Variants in TBC1D12 observed in about 807,000 individuals in gnomAD.
TBC1D12 encodes the protein TBC1 domain family, member 12.
TBC1D12 carries 56 observed loss-of-function variants against 86.7 expected under a neutral mutation model. The ratio of observed to expected loss-of-function variants is 0.65; its 90% CI spans 0.52 to 0.81. The LOEUF is 0.81. TBC1D12 is among the 30% of genes least tolerant of loss of function. The probability of loss-of-function intolerance (pLI) is 0.00; values close to 1 mark genes in which losing one functional copy is unlikely to be tolerated. For missense variants in TBC1D12, 1,023 were observed against 1,038.8 expected (o/e 0.98, Z 0.21); for synonymous variants, 421 against 411.7 (o/e 1.02, Z -0.27).
At chr10:94,444,924 G>T (rs1245215342) in intron 2 of TBC1D12, among the ~76,000 whole-genome samples, 1 of 150,140 alleles carries the variant, frequency 6.7e-6, no homozygotes, top group Non-Finnish European at 1.5e-5. Context: ...AGTAGAGACG[G>T]GGTTTCACCG....
intron 11 of TBC1D12, among the ~76,000 whole-genome samples, chr10:94,525,636 G>A (rs932008214): frequency 1.0e-4 from 15 of 145,986 alleles, no homozygotes; most frequent in Admixed American, 2.1e-4. Context: ...CTCCAGCCTG[G>A]GCTACAGAGC....
chr10:94,527,105 T>TGTGTGTGA (rs1190297897), intron 11 of TBC1D12, among the ~76,000 whole-genome samples: 4 of 152,018 alleles, frequency 2.6e-5, no homozygotes, highest in Non-Finnish European at 2.9e-5. Flanking sequence ...TGTGTGTGTG[T>TGTGTGTGA]GACGGAGTCA....
intron 2 of TBC1D12, among the ~76,000 whole-genome samples, chr10:94,470,060 T>C (rs2055881676): frequency 6.6e-6 from 1 of 152,164 alleles, no homozygotes; most frequent in Non-Finnish European, 1.5e-5. Flanking sequence ...TATACCTAAC[T>C]TTTAGGAATG....
Position 94,497,092 on chromosome 10 carries a change from A to G in TBC1D12, c.1332A>G (p.Lys444=). ...KEAHKRKRIM[K]ERFKQEENIA... ...CACATAAAAGAAAAAGAATCATGAA[A>G]GAACGATTTAAGCAGGAAGAAAATA... Residue 444 remains lysine (K), a synonymous_variant, in exon 5 of 13, where the codon AAA becomes AAG. Coordinates refer to ENST00000225235, the MANE Select transcript of TBC1D12 (RefSeq NM_015188.2). 2 of 1,568,994 alleles carry G rather than the reference A, an allele frequency of 1.3e-6. No individual in the cohort carries two copies. Among genetic ancestry groups the G allele is most frequent in the Non-Finnish European group, 1.7e-6 (2 of 1,164,748 alleles).
intron 1 of TBC1D12, among the ~76,000 whole-genome samples, chr10:94,405,896 GC>G (rs2054847806): frequency 6.6e-6 from 1 of 150,394 alleles, no homozygotes; most frequent in Non-Finnish European, 1.5e-5. Flanking sequence ...TGCAACCTCT[GC>G]CCCCCTGGGT....
At chr10:94,498,285 T>C (rs1000664986) in intron 5 of TBC1D12, among the ~76,000 whole-genome samples, 1 of 152,212 alleles carries the variant, frequency 6.6e-6, no homozygotes, top group Non-Finnish European at 1.5e-5. Context: ...AGGAAATATG[T>C]ATGATCTTTC....
intron 4 of TBC1D12, among the ~76,000 whole-genome samples, chr10:94,496,536 T>C (rs927843205): frequency 6.6e-6 from 1 of 152,224 alleles, no homozygotes; most frequent in African/African-American, 2.4e-5. Flanking sequence ...AAAATGGGTA[T>C]TGGTTAGTTG....
intron 1 of TBC1D12, among the ~76,000 whole-genome samples, chr10:94,433,575 A>G (rs1174443318): frequency 2.0e-5 from 3 of 152,234 alleles, no homozygotes; most frequent in Non-Finnish European, 4.4e-5. Context: ...TTTGGTAAGG[A>G]TTACAATATC....
intron 3 of TBC1D12, among the ~76,000 whole-genome samples, chr10:94,481,052 T>TC (rs1336612883): frequency 6.6e-6 from 1 of 151,478 alleles, no homozygotes; most frequent in African/African-American, 2.4e-5. Flanking sequence ...AATCTTTTTT[T>TC]TTTTTTTTTT....
chr10:94,491,972 T>A (rs1215844846), intron 3 of TBC1D12, among the ~76,000 whole-genome samples: 1 of 152,136 alleles, frequency 6.6e-6, no homozygotes. Context: ...CAGTTTCCTA[T>A]CCATGAAATT....
At chr10:94,447,847 G>T (rs1181688159) in intron 2 of TBC1D12, among the ~76,000 whole-genome samples, 1 of 148,960 alleles carries the variant, frequency 6.7e-6, no homozygotes, top group East Asian at 2.0e-4. Flanking sequence ...AATGAACCAT[G>T]TTATATGTAA....
chr10:94,475,247 A>G (rs578088241), intron 3 of TBC1D12, among the ~76,000 whole-genome samples: 1 of 152,248 alleles, frequency 6.6e-6, no homozygotes, highest in East Asian at 1.9e-4. Flanking sequence ...GACATTTAGT[A>G]TGTATTTAAG....
chr10:94,437,360 G>A (rs2055316345), intron 1 of TBC1D12, among the ~76,000 whole-genome samples: 1 of 151,290 alleles, frequency 6.6e-6, no homozygotes, highest in East Asian at 2.0e-4. Context: ...GAGTCTCGCT[G>A]TGTCACCCAG....
At chr10:94,456,484 A>G (rs1039320870) in intron 2 of TBC1D12, among the ~76,000 whole-genome samples, 1 of 152,188 alleles carries the variant, frequency 6.6e-6, no homozygotes, top group African/African-American at 2.4e-5. Flanking sequence ...TTTTTCAGCT[A>G]TCTATCTCTG....
At chr10:94,454,659 G>C (rs1302022459) in intron 2 of TBC1D12, among the ~76,000 whole-genome samples, 1 of 152,056 alleles carries the variant, frequency 6.6e-6, no homozygotes, top group Non-Finnish European at 1.5e-5. Flanking sequence ...ATGGTAATGT[G>C]TTTTACATTT....
chr10:94,493,536 A>G, intron 4 of TBC1D12, 89 bp downstream of exon 4: 1 of 984,150 alleles, frequency 1.0e-6, no homozygotes, highest in Non-Finnish European at 1.6e-6. Flanking sequence ...TCAAGATGAT[A>G]CTGAATTCTT....
intron 2 of TBC1D12, among the ~76,000 whole-genome samples, chr10:94,465,807 T>C (rs548543558): frequency 3.9e-5 from 5 of 129,666 alleles, no homozygotes; most frequent in East Asian, 2.9e-4. Flanking sequence ...TACATACATA[T>C]ACGCATACAT....
intron 6 of TBC1D12, among the ~76,000 whole-genome samples, chr10:94,501,004 C>T (rs559398717): frequency 7.3e-5 from 11 of 151,156 alleles, no homozygotes; most frequent in Middle Eastern, 3.4e-3. Context: ...TGCAGTGAGC[C>T]GAGATCGCGC....
Position 94,403,081 on chromosome 10 carries a change from G to A in TBC1D12, c.468G>A (p.Ala156=). ...ATCTGGAAGAGGCTCGCGGGCTGGC[G>A]CGCGCCGGCGGCCGGGAGTCGCGCC... ...CRDLEEARGL[A]RAGGRESRRR... is the part of the protein sequence containing the mutation. Residue 156 remains alanine (A), a synonymous_variant, in exon 1 of 13, where the codon GCG becomes GCA. Coordinates refer to ENST00000225235, the MANE Select transcript of TBC1D12 (RefSeq NM_015188.2). The A allele has an allele frequency of 6.9e-7, 1 of 1,440,974 alleles. No individual in the cohort carries two copies. The highest frequency in any genetic ancestry group is 9.1e-7 in the Non-Finnish European group (1 of 1,100,914). 89.3% of individuals were successfully genotyped at this position (1,440,974 alleles called of 1,614,324 possible). A position where few individuals can be genotyped will look rare whatever the true frequency, so the allele number is the denominator to read the frequency against.
Sources: gnomAD v4.1 joint callset for allele counts (sites outside exome capture counted in the v4.1 genomes callset) on GRCh38, gnomAD v4.1.1 for gene constraint, MANE v1.5 for transcripts, NCBI Gene and HGNC (gene_info 2026-07-23, HGNC 2026-07-21) for gene names.